The following SUFU variants were observed in gnomAD, a reference collection of about 807,000 sequenced individuals.
The protein encoded by SUFU is suppressor of fused homolog.
SUFU carries 7 observed loss-of-function variants against 58.9 expected under a neutral mutation model. The observed-to-expected ratio is 0.12, with a 90% confidence interval of 0.07 to 0.22. The LOEUF (loss-of-function observed/expected upper bound fraction) is 0.22, where lower values mean the gene tolerates loss of function less well. SUFU is among the 10% of genes least tolerant of loss of function. The pLI is 1.00. For missense variants in SUFU, 451 were observed against 641.3 expected (o/e 0.70, Z 3.20); for synonymous variants, 232 against 254.8 (o/e 0.91, Z 0.85).
intron 3 of SUFU, among the ~76,000 whole-genome samples, chr10:102,567,851 C>T (rs2063107416): frequency 6.6e-6 from 1 of 152,054 alleles, no homozygotes; most frequent in South Asian, 2.1e-4. Flanking sequence ...GGCTATAGCC[C>T]AATATCCCCT....
chr10:102,509,412 C>T (rs751974526), intron 2 of SUFU, 109 bp downstream of exon 2: 1 of 1,473,372 alleles, frequency 6.8e-7, no homozygotes, highest in Non-Finnish European at 9.4e-7. Context: ...CGTGGAACCT[C>T]TGCATTTCTG....
intron 2 of SUFU, among the ~76,000 whole-genome samples, chr10:102,546,530 C>T (rs1181718960): frequency 6.6e-6 from 1 of 152,194 alleles, no homozygotes; most frequent in Non-Finnish European, 1.5e-5. Flanking sequence ...ATGTGAGAGA[C>T]AGCCGCTCCC....
intron 3 of SUFU, among the ~76,000 whole-genome samples, chr10:102,584,315 A>G (rs2063314670): frequency 1.3e-5 from 2 of 152,194 alleles, no homozygotes; most frequent in Admixed American, 1.3e-4. Context: ...GGTAGCATGA[A>G]TAGTGAAGCC....
chr10:102,603,204 C>G (rs2063530469), intron 8 of SUFU, among the ~76,000 whole-genome samples: 1 of 152,050 alleles, frequency 6.6e-6, no homozygotes, highest in Admixed American at 6.6e-5. Flanking sequence ...TTCTGTCACC[C>G]AGGCTGGAAT....
chr10:102,576,329 A>G (rs1015130673), intron 3 of SUFU, among the ~76,000 whole-genome samples: 3 of 151,406 alleles, frequency 2.0e-5, no homozygotes, highest in Non-Finnish European at 2.9e-5. Flanking sequence ...TTGGGTTTCT[A>G]TGTTTTTTTT....
At chr10:102,522,528 G>A (rs2062562440) in intron 2 of SUFU, among the ~76,000 whole-genome samples, 1 of 152,176 alleles carries the variant, frequency 6.6e-6, no homozygotes, top group Admixed American at 6.6e-5. Flanking sequence ...GGACACAGAA[G>A]GTTCACAGGC....
intron 8 of SUFU, among the ~76,000 whole-genome samples, chr10:102,603,682 C>T (rs1481889835): frequency 2.0e-5 from 3 of 152,122 alleles, no homozygotes; most frequent in African/African-American, 7.2e-5. Context: ...CCATGAATTC[C>T]TCTGCTGTAA....
At chr10:102,585,185 T>C (rs2063324050) in intron 3 of SUFU, among the ~76,000 whole-genome samples, 1 of 152,220 alleles carries the variant, frequency 6.6e-6, no homozygotes, top group Admixed American at 6.5e-5. Context: ...AATCCACAGT[T>C]GTGAAACCAT....
chr10:102,599,383 A>G, intron 7 of SUFU, 50 bp from the exon 8 acceptor site: 1 of 1,427,916 alleles, frequency 7.0e-7, no homozygotes, highest in Non-Finnish European at 9.9e-7. Flanking sequence ...CGGGGTGAGA[A>G]TTGCTGGGAG....
intron 3 of SUFU, among the ~76,000 whole-genome samples, chr10:102,568,596 G>A (rs868755402): frequency 2.0e-5 from 3 of 151,818 alleles, no homozygotes; most frequent in Non-Finnish European, 4.4e-5. Context: ...TAGTTCAGCC[G>A]GGCACAGTGG....
Position 102,629,956 on chromosome 10 carries a change from G to A in SUFU, c.1366-110G>A. 9.8e-7 allele frequency: 1 copy of A among 1,022,368 alleles called. No individual in the cohort carries two copies. The allele number at this position is 1,022,368 out of a possible 1,614,324, so 63.3% of individuals were successfully genotyped here. On this transcript the variant is annotated intron_variant, in intron 11 of 11. Transcript: ENST00000369902. The surrounding 1 kb of genome is among the most constrained non-coding windows in gnomAD (Gnocchi z 4.7). Reference sequence around the variant, plus strand: ...TGAGAATGAAGCCACGCCTCCCGCGGCCTGTCCTATCCCTAGCTCCCCGGG... The same window carrying A: ...TGAGAATGAAGCCACGCCTCCCGCGACCTGTCCTATCCCTAGCTCCCCGGG...
chr10:102,629,852 A>AT lies in SUFU; in HGVS notation c.1366-212dup, dbSNP rs2063821620. Among the ~76,000 whole-genome samples the AT allele has an allele frequency of 6.6e-6, 1 of 152,156 alleles. No homozygotes were observed. Among genetic ancestry groups the AT allele is most frequent in the Admixed American group, 6.5e-5 (1 of 15,274 alleles). On this transcript the variant is annotated intron_variant, in intron 11 of 11. Transcript: ENST00000369902. This position sits in a 1 kb window ranked among gnomAD's most constrained non-coding sequence, Gnocchi z 4.7. Reference sequence around the variant, plus strand: ...AAAACGCCCTCCTCCAACCTGCCTCATTATTGACAGGCCGTGGGGAAAGAA... The same window carrying AT: ...AAAACGCCCTCCTCCAACCTGCCTCATTTATTGACAGGCCGTGGGGAAAGAA...
intron 7 of SUFU, among the ~76,000 whole-genome samples, chr10:102,599,140 G>C (rs963182064): frequency 6.6e-6 from 1 of 152,110 alleles, no homozygotes; most frequent in African/African-American, 2.4e-5. Context: ...GGTAAACCTC[G>C]GGCCTGTGAC....
At chr10:102,612,883 G>C (rs781709262) in intron 8 of SUFU, among the ~76,000 whole-genome samples, 1 of 152,230 alleles carries the variant, frequency 6.6e-6, no homozygotes, top group Admixed American at 6.5e-5. Flanking sequence ...TGCTTGCTGG[G>C]AGGAATCAGC....
At chr10:102,584,467 C>T (rs1276700358) in intron 3 of SUFU, among the ~76,000 whole-genome samples, 4 of 152,158 alleles carry the variant, frequency 2.6e-5, no homozygotes, top group African/African-American at 9.7e-5. Context: ...AGGCATGAGC[C>T]ACCATGCCCG....
chr10:102,541,543 C>T (rs564291523), intron 2 of SUFU, among the ~76,000 whole-genome samples: 3 of 151,572 alleles, frequency 2.0e-5, no homozygotes, highest in East Asian at 3.9e-4. Context: ...GAACTACAGG[C>T]ATGTGCCACC....
chr10:102,538,262 C>A (rs577491693), intron 2 of SUFU, among the ~76,000 whole-genome samples: 1 of 152,122 alleles, frequency 6.6e-6, no homozygotes, highest in African/African-American at 2.4e-5. Context: ...TGCCAGAACT[C>A]ATATAATACC....
At chr10:102,544,590 T>C (rs1332527145) in intron 2 of SUFU, among the ~76,000 whole-genome samples, 1 of 151,978 alleles carries the variant, frequency 6.6e-6, no homozygotes, top group African/African-American at 2.4e-5. Flanking sequence ...TCCCAACTAC[T>C]TGGGAGGCTG....
chr10:102,517,088 A>G (rs2062480175), intron 2 of SUFU, among the ~76,000 whole-genome samples: 1 of 146,304 alleles, frequency 6.8e-6, no homozygotes, highest in Non-Finnish European at 1.5e-5. Flanking sequence ...GCATCATTGC[A>G]CTCTAGCCTG....
Sources: gnomAD v4.1 joint callset for allele counts (sites outside exome capture counted in the v4.1 genomes callset) on GRCh38, gnomAD v4.1.1 for gene constraint, Gnocchi (gnomAD v3.1) non-coding constraint, MANE v1.5 for transcripts, NCBI Gene and HGNC (gene_info 2026-07-23, HGNC 2026-07-21) for gene names.